The following PRKCH variants were observed in gnomAD, a reference collection of about 807,000 sequenced individuals.
PRKCH encodes protein kinase C eta.
In PRKCH, 28 loss-of-function variants were observed where a neutral mutation model predicts 82.5. The observed-to-expected ratio is 0.34, with a 90% CI of 0.25 to 0.47. PRKCH has a LOEUF of 0.47. Among genes scored for constraint, PRKCH ranks in the 20% least tolerant of loss-of-function variants. The pLI is 1.00. For synonymous variants in PRKCH, 322 were observed against 327.4 expected (o/e 0.98, Z 0.18); for missense variants, 705 against 881.8 (o/e 0.80, Z 2.54).
intron 1 of PRKCH, among the ~76,000 whole-genome samples, chr14:61,308,639 T>G (rs996335968): frequency 6.6e-6 from 1 of 152,212 alleles, no homozygotes; most frequent in Non-Finnish European, 1.5e-5. Context: ...ATTTTTTATT[T>G]ATTTTTTGAG....
At chr14:61,449,902 G>C (rs12436619) in intron 5 of PRKCH, among the ~76,000 whole-genome samples, 1,215 of 26,400 alleles carry the variant, frequency 0.046, 13 homozygotes, top group African/African-American at 0.066. Flanking sequence ...CTCTCTCTCT[G>C]TGTGTGTGTG....
chr14:61,383,710 G>A (rs559454044), intron 1 of PRKCH, among the ~76,000 whole-genome samples: 19 of 151,974 alleles, frequency 1.3e-4, no homozygotes, highest in Admixed American at 3.3e-4. Context: ...AGATAGGTGC[G>A]GTGAAGAGAG....
At chr14:61,221,682 A>G (rs1347003926) in intron 1 of PRKCH, among the ~76,000 whole-genome samples, 2 of 152,092 alleles carry the variant, frequency 1.3e-5, no homozygotes, top group Non-Finnish European at 2.9e-5. Flanking sequence ...GCCCATGCCT[A>G]GTGGCCTTCA....
intron 1 of PRKCH, among the ~76,000 whole-genome samples, chr14:61,253,459 T>C (rs961225728): frequency 3.3e-5 from 5 of 152,134 alleles, no homozygotes; most frequent in African/African-American, 1.2e-4. Context: ...TTGGCACACC[T>C]TGCCAGACTT....
chr14:61,365,733 T>C (rs556022505), intron 1 of PRKCH, among the ~76,000 whole-genome samples: 2 of 152,060 alleles, frequency 1.3e-5, no homozygotes, highest in South Asian at 4.1e-4. Flanking sequence ...TATGAGGACA[T>C]AAAGAGGCAG....
At chr14:61,486,511 A>T (rs1210781072) in intron 10 of PRKCH, among the ~76,000 whole-genome samples, 1 of 152,172 alleles carries the variant, frequency 6.6e-6, no homozygotes, top group Non-Finnish European at 1.5e-5. Flanking sequence ...CAGATATCAA[A>T]TGTAACTTTA....
intron 1 of PRKCH, among the ~76,000 whole-genome samples, chr14:61,195,519 A>T (rs535333943): frequency 6.6e-6 from 1 of 152,244 alleles, no homozygotes. Context: ...TCAAATGGGC[A>T]TATACTATTG....
intron 12 of PRKCH, among the ~76,000 whole-genome samples, chr14:61,547,274 G>A (rs925753940): frequency 2.6e-5 from 4 of 151,976 alleles, no homozygotes; most frequent in Non-Finnish European, 5.9e-5. Context: ...CAAAAATAAC[G>A]ACTCTCTCTC....
At chr14:61,442,275 G>A (rs146984829) in intron 2 of PRKCH, among the ~76,000 whole-genome samples, 44 of 152,234 alleles carry the variant, frequency 2.9e-4, no homozygotes, top group African/African-American at 1.0e-3. Context: ...TTTTAAAAGC[G>A]TGAGGTTAGA....
At chr14:61,403,157 CAT>C (rs1249767158) in intron 2 of PRKCH, among the ~76,000 whole-genome samples, 1 of 152,010 alleles carries the variant, frequency 6.6e-6, no homozygotes, top group Non-Finnish European at 1.5e-5. Flanking sequence ...TGTATACTAA[CAT>C]GTAATGGAAT....
intron 1 of PRKCH, chr14:61,277,788 G>A (rs924137336): frequency 1.3e-5 from 2 of 152,152 alleles, no homozygotes; most frequent in Non-Finnish European, 2.9e-5. Flanking sequence ...TTATATACAC[G>A]TTGAGGTTGA....
chr14:61,309,908 G>A (rs559734850), intron 1 of PRKCH, among the ~76,000 whole-genome samples: 2 of 151,222 alleles, frequency 1.3e-5, no homozygotes, highest in East Asian at 2.0e-4. Context: ...ATGGCAGAAG[G>A]GGAAGCAGGC....
chr14:61,217,194 G>A lies in PRKCH; in HGVS notation c.-19+29526G>A, dbSNP rs1416869914. 2.6e-5 allele frequency among the ~76,000 whole-genome samples: 4 copies of A among 152,272 alleles called. No homozygotes were observed. The East Asian group carries it at 5.8e-4, about 22-fold the overall frequency. ...CACTTGAGCCAGGAGTTTGAGACCA[G>A]CCTGGACAAGATGGTGAGTCTCTCC... On this transcript the variant is annotated intron_variant, in intron 1 of 3. Transcript: ENST00000555185.
chr14:61,343,779 A>G (rs2045957949), intron 1 of PRKCH, among the ~76,000 whole-genome samples: 2 of 152,326 alleles, frequency 1.3e-5, no homozygotes, highest in Non-Finnish European at 2.9e-5. Context: ...GAGGAATTAC[A>G]TTTGGCACCA....
intron 1 of PRKCH, among the ~76,000 whole-genome samples, chr14:61,291,090 T>C (rs1429774420): frequency 1.3e-5 from 2 of 152,206 alleles, no homozygotes; most frequent in African/African-American, 4.8e-5. Flanking sequence ...AAGTACAGCC[T>C]CAGAGATTTT....
At chr14:61,246,265 A>G (rs1326377696) in intron 1 of PRKCH, among the ~76,000 whole-genome samples, 1 of 143,242 alleles carries the variant, frequency 7.0e-6, no homozygotes, top group East Asian at 2.0e-4. Flanking sequence ...AAAAAAAGCC[A>G]GGTGTGGTGG....
intron 10 of PRKCH, among the ~76,000 whole-genome samples, chr14:61,490,122 TGC>T (rs1886392882): frequency 6.6e-6 from 1 of 152,172 alleles, no homozygotes; most frequent in Non-Finnish European, 1.5e-5. Flanking sequence ...GCATGCTGGG[TGC>T]ACGGTAATTA....
chr14:61,525,372 C>T (rs1393777782), intron 10 of PRKCH: 1 of 152,196 alleles, frequency 6.6e-6, no homozygotes, highest in Non-Finnish European at 1.5e-5. Flanking sequence ...TCCTTTACAG[C>T]TCATACAGTT....
chr14:61,242,159 C>A (rs369826955), intron 1 of PRKCH, among the ~76,000 whole-genome samples: 1 of 152,144 alleles, frequency 6.6e-6, no homozygotes, highest in Non-Finnish European at 1.5e-5. Flanking sequence ...TAGATAAATA[C>A]TCTTAGAGTG....
Sources: allele counts gnomAD v4.1 joint callset (sites outside exome capture counted in the v4.1 genomes callset), GRCh38; gene constraint gnomAD v4.1.1; transcripts MANE v1.5; gene names NCBI Gene and HGNC (gene_info 2026-07-23, HGNC 2026-07-21).